GALNT13: variants seen among roughly 807,000 people sequenced by gnomAD.
GALNT13 encodes the protein polypeptide N-acetylgalactosaminyltransferase 13.
A neutral mutation model predicts 64.2 loss-of-function variants in GALNT13; 28 were observed. That is an observed-to-expected ratio of 0.44 (90% CI 0.32 to 0.60). The LOEUF is 0.60. Ranked by LOEUF, GALNT13 falls within the 20% of genes least tolerant of loss-of-function variation. The pLI is 0.05. For missense variants in GALNT13, 577 were observed against 669.8 expected, an observed-to-expected ratio of 0.86 and a Z score of 1.53; for synonymous variants, 214 against 224.6, an observed-to-expected ratio of 0.95 and a Z score of 0.42.
the GALNT13 span, among the ~76,000 whole-genome samples, chr2:153,238,169 T>A: frequency 6.6e-6 from 1 of 152,122 alleles, no homozygotes; most frequent in African/African-American, 2.4e-5. Flanking sequence ...TCTTGCTCAT[T>A]TTTAAATCTG....
At chr2:153,907,833 T>C (rs1688682431) in intron 2 of GALNT13, among the ~76,000 whole-genome samples, 1 of 152,122 alleles carries the variant, frequency 6.6e-6, no homozygotes, top group Non-Finnish European at 1.5e-5. Flanking sequence ...GTTGATTCCA[T>C]ATCTTTGTCA....
the GALNT13 span, among the ~76,000 whole-genome samples, chr2:153,702,265 T>G: frequency 1.3e-5 from 2 of 152,024 alleles, no homozygotes; most frequent in Admixed American, 6.5e-5. Flanking sequence ...AAACACCACA[T>G]ATTCTCACTT....
At chr2:154,190,551 A>G (rs1285754390) in intron 4 of GALNT13, among the ~76,000 whole-genome samples, 1 of 152,234 alleles carries the variant, frequency 6.6e-6, no homozygotes, top group African/African-American at 2.4e-5. Context: ...AAATTCTACC[A>G]GGTTTAAGAA....
intron 4 of GALNT13, among the ~76,000 whole-genome samples, chr2:154,184,152 G>T (rs1317953348): frequency 1.3e-5 from 2 of 151,826 alleles, no homozygotes; most frequent in African/African-American, 4.8e-5. Flanking sequence ...TTTACCCATA[G>T]ATTATTATAG....
At chr2:154,361,283 G>A (rs896676561) in intron 9 of GALNT13, among the ~76,000 whole-genome samples, 2 of 152,010 alleles carry the variant, frequency 1.3e-5, no homozygotes, top group Non-Finnish European at 2.9e-5. Context: ...TAGCATAAAC[G>A]CTTCCTTCAA....
At chr2:153,908,556 T>A (rs1459344857) in intron 2 of GALNT13, among the ~76,000 whole-genome samples, 1 of 152,142 alleles carries the variant, frequency 6.6e-6, no homozygotes, top group Non-Finnish European at 1.5e-5. Flanking sequence ...CCATCTTGAG[T>A]TGATTTTTCT....
At chr2:153,142,506 C>T in the GALNT13 span, among the ~76,000 whole-genome samples, 1 of 151,900 alleles carries the variant, frequency 6.6e-6, no homozygotes, top group African/African-American at 2.4e-5. Context: ...GGATGTTCTA[C>T]TGTGGTATAA....
chr2:153,124,213 T>C, the GALNT13 span, among the ~76,000 whole-genome samples: 4 of 152,170 alleles, frequency 2.6e-5, no homozygotes, highest in Non-Finnish European at 4.4e-5. Context: ...AATCGAGTTG[T>C]CCATTTGACC....
intron 3 of GALNT13, among the ~76,000 whole-genome samples, chr2:153,992,585 T>C (rs7590906): frequency 0.25 from 37,660 of 152,076 alleles, 4,944 homozygotes; most frequent in Non-Finnish European, 0.28. Flanking sequence ...TATAACTTGC[T>C]TCTGGGCATC....
the GALNT13 span, among the ~76,000 whole-genome samples, chr2:153,605,047 T>C: frequency 6.6e-6 from 1 of 152,038 alleles, no homozygotes; most frequent in Non-Finnish European, 1.5e-5. Flanking sequence ...CATCTGTCTA[T>C]CCAGTTCGAT....
intron 3 of GALNT13, among the ~76,000 whole-genome samples, chr2:154,075,845 A>G (rs1700960791): frequency 6.6e-6 from 1 of 151,752 alleles, no homozygotes; most frequent in African/African-American, 2.4e-5. Flanking sequence ...TTTGCTTTGT[A>G]AAAGTTATTC....
intron 11 of GALNT13, among the ~76,000 whole-genome samples, chr2:154,413,998 G>A (rs766569684): frequency 6.6e-6 from 1 of 151,728 alleles, no homozygotes; most frequent in East Asian, 1.9e-4. Context: ...CATTTTTAAT[G>A]GATAAGCTAT....
At chr2:153,792,689 C>G in the GALNT13 span, among the ~76,000 whole-genome samples, 1 of 152,128 alleles carries the variant, frequency 6.6e-6, no homozygotes, top group Non-Finnish European at 1.5e-5. Context: ...TTGGTATAAT[C>G]TGTTTGCTAC....
chr2:153,900,633 C>T (rs992507853), intron 1 of GALNT13, among the ~76,000 whole-genome samples: 1 of 152,082 alleles, frequency 6.6e-6, no homozygotes, highest in Non-Finnish European at 1.5e-5. Context: ...TACTTTTATG[C>T]CATTCTGCCA....
the GALNT13 span, among the ~76,000 whole-genome samples, chr2:153,138,381 T>G: frequency 2.2e-4 from 34 of 152,080 alleles, no homozygotes; most frequent in Non-Finnish European, 1.6e-4. Flanking sequence ...TTAAACAGGA[T>G]ATTCAGGGCT....
At chr2:154,260,681 A>G (rs912303192) in intron 8 of GALNT13, among the ~76,000 whole-genome samples, 4 of 152,190 alleles carry the variant, frequency 2.6e-5, no homozygotes, top group Non-Finnish European at 4.4e-5. Context: ...ACCCAAAATT[A>G]TTACCTGTTA....
the GALNT13 span, among the ~76,000 whole-genome samples, chr2:153,338,746 T>C: frequency 6.6e-6 from 1 of 152,206 alleles, no homozygotes; most frequent in African/African-American, 2.4e-5. Context: ...GTAATTGAAA[T>C]GTTTTGTCCT....
intron 1 of GALNT13, among the ~76,000 whole-genome samples, chr2:153,891,638 C>CG (rs1230923266): frequency 6.6e-6 from 1 of 152,016 alleles, no homozygotes; most frequent in African/African-American, 2.4e-5. Context: ...TTAATCTAAA[C>CG]CCAAGACTAA....
intron 2 of GALNT13, among the ~76,000 whole-genome samples, chr2:153,929,449 G>A (rs1558859128): frequency 6.6e-6 from 1 of 152,130 alleles, no homozygotes; most frequent in Non-Finnish European, 1.5e-5. Context: ...CGTCACCCAG[G>A]TAATGAGAAT....
Sources: allele counts gnomAD v4.1 joint callset (sites outside exome capture counted in the v4.1 genomes callset), GRCh38; gene constraint gnomAD v4.1.1; transcripts MANE v1.5; gene names NCBI Gene and HGNC (gene_info 2026-07-23, HGNC 2026-07-21).